The following GDAP1 variants were observed in gnomAD, a reference collection of about 807,000 sequenced individuals.
GDAP1 encodes ganglioside-induced differentiation-associated protein 1.
GDAP1 carries 34 observed loss-of-function variants against 40.1 expected under a neutral mutation model. That is an observed-to-expected ratio of 0.85 (90% CI 0.64 to 1.13). The LOEUF (loss-of-function observed/expected upper bound fraction) is 1.13. Among genes scored for constraint, GDAP1 ranks in the 50% most tolerant of loss-of-function variants. The pLI is 0.00. For synonymous variants in GDAP1, 170 were observed against 157.4 expected, an observed-to-expected ratio of 1.08 and a Z score of -0.60; for missense variants, 374 against 433.7, an observed-to-expected ratio of 0.86 and a Z score of 1.22.
At chr8:74,415,965 CT>C (rs1805772818) in intron 2 of GDAP1, among the ~76,000 whole-genome samples, 1 of 149,814 alleles carries the variant, frequency 6.7e-6, no homozygotes, top group Non-Finnish European at 1.5e-5. Context: ...GGGTCATGGA[CT>C]AGGAGGGTCA....
intron 2 of GDAP1, among the ~76,000 whole-genome samples, chr8:74,442,528 T>C (rs573176836): frequency 1.1e-4 from 16 of 152,342 alleles, no homozygotes; most frequent in Admixed American, 6.5e-4. Flanking sequence ...AAACATAATT[T>C]GATTTATAAG....
chr8:74,381,840 G>T (rs971097985), intron 2 of GDAP1, among the ~76,000 whole-genome samples: 1 of 151,664 alleles, frequency 6.6e-6, no homozygotes, highest in Non-Finnish European at 1.5e-5. Flanking sequence ...CTGGAGAGGC[G>T]ATTGGAATTC....
chr8:74,364,053 T>C lies in GDAP1; in HGVS notation c.763T>C (p.Leu255=), dbSNP rs2131521525. The C allele has an allele frequency of 3.7e-6, 6 of 1,614,042 alleles. No individual in the cohort carries two copies. The highest frequency in any genetic ancestry group is 4.2e-6 in the Non-Finnish European group (5 of 1,179,956). Reference sequence around the variant, plus strand: ...GGCAGACGTCTCACTCGCTGTCACATTGCATCGACTGAAGTTCCTGGGGTT... The same window carrying C: ...GGCAGACGTCTCACTCGCTGTCACACTGCATCGACTGAAGTTCCTGGGGTT... ...TLADVSLAVT[L]HRLKFLGFAR... Residue 255 remains leucine, a synonymous_variant, in exon 6 of 6, where the codon TTG becomes CTG. Coordinates refer to ENST00000220822, the MANE Select transcript of GDAP1 (RefSeq NM_018972.4).
intron 2 of GDAP1, among the ~76,000 whole-genome samples, chr8:74,403,293 G>A (rs560894485): frequency 6.7e-6 from 1 of 150,134 alleles, no homozygotes; most frequent in East Asian, 1.9e-4. Context: ...TTACAGTATT[G>A]ACTGCATTTT....
At position 74,449,270 on chromosome 8, in the gene GDAP1, A is replaced by G. The variant is rs1258155410; in HGVS notation, c.166-39408A>G. On this transcript the variant is annotated intron_variant, in intron 2 of 2. Transcript: ENST00000523640. Reference sequence around the variant, plus strand: ...TAGCTGAAAAGTAACTCTAAAAATCAAAGTTGAATCAACTTTGTTATTCTT... The same window carrying G: ...TAGCTGAAAAGTAACTCTAAAAATCGAAGTTGAATCAACTTTGTTATTCTT... Among the ~76,000 whole-genome samples, 7 of 152,048 alleles carry G rather than the reference A, an allele frequency of 4.6e-5. No homozygotes were observed. In the South Asian group the frequency reaches 1.5e-3, roughly 32 times the overall value.
At chr8:74,438,288 C>T (rs1407625689) in intron 2 of GDAP1, among the ~76,000 whole-genome samples, 1 of 151,544 alleles carries the variant, frequency 6.6e-6, no homozygotes, top group Non-Finnish European at 1.5e-5. Flanking sequence ...AAAACAACAA[C>T]AAAAAAAGAA....
At chr8:74,488,353 T>G (rs754102331) in intron 2 of GDAP1, among the ~76,000 whole-genome samples, 1 of 152,142 alleles carries the variant, frequency 6.6e-6, no homozygotes, top group Non-Finnish European at 1.5e-5. Flanking sequence ...GGGATGAAAT[T>G]CCTAGGAGTA....
At chr8:74,442,917 C>A (rs1267502647) in intron 2 of GDAP1, among the ~76,000 whole-genome samples, 4 of 152,190 alleles carry the variant, frequency 2.6e-5, no homozygotes, top group African/African-American at 9.6e-5. Context: ...TTCATTCATT[C>A]ATTCATTCTT....
At chr8:74,403,116 A>T (rs1805582984) in intron 2 of GDAP1, among the ~76,000 whole-genome samples, 1 of 150,186 alleles carries the variant, frequency 6.7e-6, no homozygotes, top group Admixed American at 6.6e-5. Context: ...AGCTAATTTT[A>T]TATCTCGCAG....
chr8:74,469,633 CA>C (rs1270585942), intron 2 of GDAP1, among the ~76,000 whole-genome samples: 1 of 148,708 alleles, frequency 6.7e-6, no homozygotes, highest in African/African-American at 2.5e-5. Context: ...CGCGCCACTG[CA>C]CTCCAGCCTG....
intron 2 of GDAP1, among the ~76,000 whole-genome samples, chr8:74,478,388 G>A (rs115360247): frequency 8.1e-4 from 124 of 152,202 alleles, no homozygotes; most frequent in African/African-American, 2.8e-3. Flanking sequence ...CAGGGAGGGC[G>A]TGGGTAGGCT....
chr8:74,425,705 A>G (rs1046435956), intron 2 of GDAP1, among the ~76,000 whole-genome samples: 5 of 152,228 alleles, frequency 3.3e-5, no homozygotes, highest in Admixed American at 1.3e-4. Context: ...GAAGAGTGAC[A>G]TAAGAGAACC....
At chr8:74,433,450 TA>T (rs1478304972) in intron 2 of GDAP1, among the ~76,000 whole-genome samples, 1 of 152,228 alleles carries the variant, frequency 6.6e-6, no homozygotes, top group Non-Finnish European at 1.5e-5. Context: ...GAACATTTTC[TA>T]ACCTGTTTAC....
chr8:74,374,288 G>A (rs998582712), intron 2 of GDAP1, among the ~76,000 whole-genome samples: 1 of 152,134 alleles, frequency 6.6e-6, no homozygotes, highest in Non-Finnish European at 1.5e-5. Flanking sequence ...AGTTTGGGAG[G>A]ATTCCCTTGT....
chr8:74,445,018 G>T (rs954215221), intron 2 of GDAP1, among the ~76,000 whole-genome samples: 5 of 152,260 alleles, frequency 3.3e-5, no homozygotes, highest in African/African-American at 9.6e-5. Context: ...TTTGTCTTTG[G>T]TGTCATAACA....
chr8:74,430,864 G>T (rs184085190), intron 2 of GDAP1, among the ~76,000 whole-genome samples: 1 of 152,150 alleles, frequency 6.6e-6, no homozygotes, highest in Non-Finnish European at 1.5e-5. Context: ...GATTTAGGGG[G>T]TACAAGTGCA....
At chr8:74,417,757 CA>C (rs71269993) in intron 2 of GDAP1, among the ~76,000 whole-genome samples, 352 of 75,878 alleles carry the variant, frequency 4.6e-3, no homozygotes, top group African/African-American at 0.018. Context: ...AACTCCATCT[CA>C]AAAAAAAAAA....
At chr8:74,488,408 C>A (rs571719210) in intron 2 of GDAP1, among the ~76,000 whole-genome samples, 49 of 152,094 alleles carry the variant, frequency 3.2e-4, no homozygotes, top group African/African-American at 1.2e-3. Context: ...GTGTCCTGTA[C>A]CCTCATCAAT....
chr8:74,431,509 T>C (rs1033572110), intron 2 of GDAP1, among the ~76,000 whole-genome samples: 2 of 151,806 alleles, frequency 1.3e-5, no homozygotes, highest in Non-Finnish European at 2.9e-5. Context: ...TGAGACAGAG[T>C]CTCGCTCTGT....
Sources: allele counts gnomAD v4.1 joint callset (sites outside exome capture counted in the v4.1 genomes callset), GRCh38; gene constraint gnomAD v4.1.1; transcripts MANE v1.5; gene names NCBI Gene and HGNC (gene_info 2026-07-23, HGNC 2026-07-21).